Variants in C8orf34 observed in about 807,000 individuals in gnomAD.
C8orf34 encodes chromosome 8 open reading frame 34, also known as uncharacterized protein C8orf34.
A neutral mutation model predicts 68.3 loss-of-function variants in C8orf34; 65 were observed. The observed-to-expected ratio is 0.95, with a 90% CI of 0.78 to 1.17. The LOEUF is 1.17. Ranked by LOEUF, C8orf34 falls within the 50% of genes most tolerant of loss-of-function variation. C8orf34 has a pLI of 0.00. For missense variants in C8orf34, 664 were observed against 655.4 expected, an observed-to-expected ratio of 1.01 and a Z score of -0.14; for synonymous variants, 244 against 241.2, an observed-to-expected ratio of 1.01 and a Z score of -0.11.
chr8:68,782,872 C>A (rs560388642), intron 11 of C8orf34, among the ~76,000 whole-genome samples: 3 of 150,366 alleles, frequency 2.0e-5, no homozygotes, highest in Non-Finnish European at 3.0e-5. Context: ...GTCTGGGCAA[C>A]GGAGAGAGAC....
intron 1 of C8orf34, among the ~76,000 whole-genome samples, chr8:68,342,086 A>T (rs1242332995): frequency 6.6e-6 from 1 of 152,242 alleles, no homozygotes; most frequent in Non-Finnish European, 1.5e-5. Flanking sequence ...TTTTACCACA[A>T]ACAAAAATGA....
At chr8:68,601,045 G>A (rs937749700) in intron 7 of C8orf34, among the ~76,000 whole-genome samples, 1 of 152,130 alleles carries the variant, frequency 6.6e-6, no homozygotes, top group Middle Eastern at 3.2e-3. Flanking sequence ...CTGATAGTTG[G>A]CAATTCTTTG....
At chr8:68,476,664 A>G (rs1387923300) in intron 4 of C8orf34, among the ~76,000 whole-genome samples, 1 of 152,166 alleles carries the variant, frequency 6.6e-6, no homozygotes, top group African/African-American at 2.4e-5. Flanking sequence ...CATATTCAGT[A>G]GATTTGGGGG....
At chr8:68,411,178 T>G (rs1184191109) in intron 1 of C8orf34, among the ~76,000 whole-genome samples, 1 of 152,208 alleles carries the variant, frequency 6.6e-6, no homozygotes, top group African/African-American at 2.4e-5. Flanking sequence ...AATGTATATA[T>G]GTGTAAGATC....
intron 10 of C8orf34, among the ~76,000 whole-genome samples, chr8:68,755,395 A>G (rs1412736991): frequency 6.6e-6 from 1 of 152,266 alleles, no homozygotes; most frequent in Admixed American, 6.5e-5. Context: ...CCAGCATTAT[A>G]AAGGTGTTGC....
At chr8:68,549,504 T>C (rs1450425723) in intron 7 of C8orf34, among the ~76,000 whole-genome samples, 1 of 151,782 alleles carries the variant, frequency 6.6e-6, no homozygotes, top group Admixed American at 6.6e-5. Flanking sequence ...GATACATACA[T>C]TTACCAAAAC....
intron 7 of C8orf34, among the ~76,000 whole-genome samples, chr8:68,600,319 C>T (rs1817663460): frequency 1.3e-5 from 2 of 152,220 alleles, no homozygotes; most frequent in South Asian, 2.1e-4. Context: ...CGGCACTGAG[C>T]ACCACATCAG....
intron 7 of C8orf34, among the ~76,000 whole-genome samples, chr8:68,607,155 A>G (rs1230311650): frequency 1.3e-5 from 2 of 152,196 alleles, no homozygotes; most frequent in Admixed American, 6.6e-5. Flanking sequence ...GAAAAAAGAC[A>G]AAGAAGAAAA....
chr8:68,365,090 A>G (rs1466846266), intron 1 of C8orf34, among the ~76,000 whole-genome samples: 1 of 148,866 alleles, frequency 6.7e-6, no homozygotes, highest in African/African-American at 2.5e-5. Context: ...CAGAAATACA[A>G]ACTACCATCA....
At chr8:68,760,358 G>A (rs1055893592) in intron 10 of C8orf34, among the ~76,000 whole-genome samples, 8 of 152,164 alleles carry the variant, frequency 5.3e-5, no homozygotes, top group African/African-American at 1.9e-4. Flanking sequence ...GAGAAAGAGA[G>A]ACTTGGAAAA....
intron 7 of C8orf34, among the ~76,000 whole-genome samples, chr8:68,611,549 T>C (rs572504089): frequency 1.3e-5 from 2 of 152,282 alleles, no homozygotes; most frequent in South Asian, 4.1e-4. Flanking sequence ...CACAGCATTA[T>C]TTAAGTCAGA....
intron 2 of C8orf34, among the ~76,000 whole-genome samples, chr8:68,443,028 T>C (rs1563442797): frequency 6.6e-6 from 1 of 152,130 alleles, no homozygotes; most frequent in East Asian, 1.9e-4. Flanking sequence ...GCTTCTATCA[T>C]AGAAGCAACA....
intron 8 of C8orf34, among the ~76,000 whole-genome samples, chr8:68,665,522 C>G (rs561946747): frequency 1.2e-4 from 19 of 152,276 alleles, no homozygotes; most frequent in African/African-American, 4.6e-4. Flanking sequence ...GCTTAACTGA[C>G]TGTAGGTGCT....
intron 10 of C8orf34, among the ~76,000 whole-genome samples, chr8:68,748,923 A>G (rs994019868): frequency 1.3e-5 from 2 of 152,206 alleles, no homozygotes; most frequent in Admixed American, 6.5e-5. Flanking sequence ...TGCTGCTATA[A>G]CGACACATGC....
At chr8:68,679,829 A>G (rs534373118) in intron 8 of C8orf34, among the ~76,000 whole-genome samples, 1 of 152,316 alleles carries the variant, frequency 6.6e-6, no homozygotes, top group South Asian at 2.1e-4. Context: ...TGCACAGGGG[A>G]AAGAACAATC....
At chr8:68,541,056 C>G (rs1815682941) in intron 7 of C8orf34, among the ~76,000 whole-genome samples, 2 of 152,042 alleles carry the variant, frequency 1.3e-5, no homozygotes, top group African/African-American at 4.8e-5. Flanking sequence ...TTTTTTCCTT[C>G]AAGTATCAGT....
chr8:68,635,832 CAG>C (rs143899475), intron 7 of C8orf34, among the ~76,000 whole-genome samples: 3,506 of 152,242 alleles, frequency 0.023, 138 homozygotes, highest in African/African-American at 0.079. Flanking sequence ...TCTGCAGGCA[CAG>C]GGGGAACTCT....
At chr8:68,378,150 ATTAAT>A (rs946161860) in intron 1 of C8orf34, among the ~76,000 whole-genome samples, 2 of 152,172 alleles carry the variant, frequency 1.3e-5, no homozygotes, top group South Asian at 2.1e-4. Flanking sequence ...TTGGAATCAT[ATTAAT>A]TTATTTCTTG....
chr8:68,390,402 C>T (rs1808432797), intron 1 of C8orf34, among the ~76,000 whole-genome samples: 1 of 152,020 alleles, frequency 6.6e-6, no homozygotes, highest in African/African-American at 2.4e-5. Flanking sequence ...CTAAATATAT[C>T]ATAAAGGGGT....
Sources: gnomAD v4.1 joint callset for allele counts (sites outside exome capture counted in the v4.1 genomes callset) on GRCh38, gnomAD v4.1.1 for gene constraint, MANE v1.5 for transcripts, NCBI Gene and HGNC (gene_info 2026-07-23, HGNC 2026-07-21) for gene names.